GRIK4: variants seen among roughly 807,000 people sequenced by gnomAD.
GRIK4 encodes glutamate ionotropic receptor kainate type subunit 4, also known as glutamate receptor ionotropic, kainate 4.
A neutral mutation model predicts 104.9 loss-of-function variants in GRIK4; 40 were observed. The observed-to-expected ratio is 0.38, with a 90% CI of 0.30 to 0.50. The LOEUF (loss-of-function observed/expected upper bound fraction) is 0.50, where lower values mean the gene tolerates loss of function less well. GRIK4 is among the 20% of genes least tolerant of loss of function. GRIK4 has a pLI of 0.93. For missense variants in GRIK4, 1,047 were observed against 1,308.1 expected (o/e 0.80, Z 3.08); for synonymous variants, 485 against 524.9 (o/e 0.92, Z 1.04).
chr11:120,742,804 C>A (rs1484848909), intron 3 of GRIK4, among the ~76,000 whole-genome samples: 2 of 152,150 alleles, frequency 1.3e-5, no homozygotes, highest in African/African-American at 4.8e-5. Context: ...ACCATAAAGA[C>A]ACATGCATGT....
At chr11:120,656,034 A>G (rs1949705051) in intron 2 of GRIK4, among the ~76,000 whole-genome samples, 1 of 152,172 alleles carries the variant, frequency 6.6e-6, no homozygotes, top group Non-Finnish European at 1.5e-5. Context: ...CCCCCCATGG[A>G]GGGTAATGGT....
chr11:120,754,255 G>A (rs1224349676), intron 3 of GRIK4, among the ~76,000 whole-genome samples: 1 of 151,996 alleles, frequency 6.6e-6, no homozygotes, highest in African/African-American at 2.4e-5. Flanking sequence ...CTCATCATCT[G>A]CCTGCCTCAG....
At chr11:120,574,660 G>A (rs546803586) in intron 1 of GRIK4, among the ~76,000 whole-genome samples, 38 of 152,288 alleles carry the variant, frequency 2.5e-4, no homozygotes, top group Non-Finnish European at 1.3e-4. Context: ...TATTGAACCC[G>A]TGGTGCCAGG....
At chr11:120,872,925 T>C (rs1954653666) in intron 9 of GRIK4, 1 of 152,312 alleles carries the variant, frequency 6.6e-6, no homozygotes, top group African/African-American at 2.4e-5. Flanking sequence ...CTGCAAACAT[T>C]GTATCCACTT....
chr11:120,545,753 C>G (rs1362162232), intron 1 of GRIK4, among the ~76,000 whole-genome samples: 1 of 152,210 alleles, frequency 6.6e-6, no homozygotes, highest in Non-Finnish European at 1.5e-5. Context: ...ATCCAGAAAT[C>G]TTGATTATAA....
At chr11:120,815,065 G>T (rs1290934501) in intron 4 of GRIK4, among the ~76,000 whole-genome samples, 1 of 152,252 alleles carries the variant, frequency 6.6e-6, no homozygotes, top group Non-Finnish European at 1.5e-5. Flanking sequence ...CTGCAGGTTT[G>T]TTCCATTAGC....
At chr11:120,852,606 A>G (rs1953999122) in intron 8 of GRIK4, among the ~76,000 whole-genome samples, 1 of 152,210 alleles carries the variant, frequency 6.6e-6, no homozygotes, top group Non-Finnish European at 1.5e-5. Context: ...CAAATCTCCT[A>G]TTAAATAGAA....
intron 18 of GRIK4, among the ~76,000 whole-genome samples, chr11:120,964,398 CTG>C (rs1486386372): frequency 6.6e-6 from 1 of 152,192 alleles, no homozygotes; most frequent in Non-Finnish European, 1.5e-5. Context: ...GTTCTGTGAA[CTG>C]TGAACTGGAG....
intron 1 of GRIK4, among the ~76,000 whole-genome samples, chr11:120,525,524 T>C (rs1366664847): frequency 6.6e-6 from 1 of 152,148 alleles, no homozygotes; most frequent in East Asian, 1.9e-4. Flanking sequence ...CTCTGGGTGT[T>C]GTGACTCTGA....
intron 14 of GRIK4, among the ~76,000 whole-genome samples, chr11:120,944,168 TC>T (rs941443038): frequency 2.7e-5 from 4 of 147,078 alleles, no homozygotes; most frequent in African/African-American, 5.0e-5. Flanking sequence ...CTCTCTCTCC[TC>T]CCCCCCGTCC....
intron 11 of GRIK4, among the ~76,000 whole-genome samples, chr11:120,882,849 GGCTCT>G (rs969810551): frequency 2.0e-5 from 3 of 152,136 alleles, no homozygotes; most frequent in Non-Finnish European, 2.9e-5. Flanking sequence ...GCCCTTCTGA[GGCTCT>G]GCCCCAGCAA....
intron 4 of GRIK4, among the ~76,000 whole-genome samples, chr11:120,810,224 A>G (rs1332628946): frequency 6.6e-6 from 1 of 152,262 alleles, no homozygotes; most frequent in African/African-American, 2.4e-5. Context: ...GATTTTGCCA[A>G]CAACTGAGTT....
At chr11:120,782,848 T>C (rs1356866702) in intron 3 of GRIK4, among the ~76,000 whole-genome samples, 1 of 152,186 alleles carries the variant, frequency 6.6e-6, no homozygotes, top group Non-Finnish European at 1.5e-5. Context: ...TGGCAGTATC[T>C]GGAGGCATTC....
chr11:120,943,144 ACACACACC>A (rs879672324), intron 14 of GRIK4, among the ~76,000 whole-genome samples: 1,402 of 123,024 alleles, frequency 0.011, 19 homozygotes, highest in African/African-American at 0.042. Flanking sequence ...ACACACACAC[ACACACACC>A]CCCCTGACTG....
chr11:120,930,003 G>A (rs1316251), intron 13 of GRIK4, among the ~76,000 whole-genome samples: 55 of 110,722 alleles, frequency 5.0e-4, no homozygotes, highest in African/African-American at 1.9e-3. Flanking sequence ...GGCCACGTTT[G>A]GGGGGGGGGT....
intron 1 of GRIK4, among the ~76,000 whole-genome samples, chr11:120,640,522 TA>T (rs960761923): frequency 6.6e-6 from 1 of 151,422 alleles, no homozygotes; most frequent in Non-Finnish European, 1.5e-5. Flanking sequence ...TCTATTAATT[TA>T]AAAAAAAATA....
At chr11:120,968,259 G>T (rs190781818) in intron 19 of GRIK4, among the ~76,000 whole-genome samples, 1 of 152,142 alleles carries the variant, frequency 6.6e-6, no homozygotes, top group African/African-American at 2.4e-5. Context: ...GTATAGTCTT[G>T]TTTCTATCTA....
At chr11:120,617,988 A>G (rs1459319990) in intron 1 of GRIK4, among the ~76,000 whole-genome samples, 1 of 152,218 alleles carries the variant, frequency 6.6e-6, no homozygotes, top group Non-Finnish European at 1.5e-5. Flanking sequence ...GAACTGGGTA[A>G]TAGGCAGAGG....
intron 8 of GRIK4, among the ~76,000 whole-genome samples, chr11:120,843,051 A>C (rs548184816): frequency 5.9e-5 from 9 of 152,406 alleles, no homozygotes; most frequent in African/African-American, 1.9e-4. Flanking sequence ...AGGAGCTGCC[A>C]TCTCAGCAGA....
Sources: gnomAD v4.1 joint callset for allele counts (sites outside exome capture counted in the v4.1 genomes callset) on GRCh38, gnomAD v4.1.1 for gene constraint, MANE v1.5 for transcripts, NCBI Gene and HGNC (gene_info 2026-07-23, HGNC 2026-07-21) for gene names.